KIF14: variants seen among roughly 807,000 people sequenced by gnomAD.
KIF14 encodes kinesin-like protein KIF14.
In KIF14, 98 loss-of-function variants were observed where a neutral mutation model predicts 176.2. That is an observed-to-expected ratio of 0.56 (90% CI 0.47 to 0.66). KIF14 has a LOEUF of 0.66. Ranked by LOEUF, KIF14 falls within the 30% of genes least tolerant of loss-of-function variation. The probability of loss-of-function intolerance (pLI) is 0.00; values close to 1 mark genes in which losing one functional copy is unlikely to be tolerated. For synonymous variants in KIF14, 566 were observed against 632.2 expected (o/e 0.90, Z 1.57); for missense variants, 1,751 against 1,920.4 (o/e 0.91, Z 1.65).
chr1:200,567,891 G>A (rs1182973676), intron 23 of KIF14, among the ~76,000 whole-genome samples: 3 of 150,696 alleles, frequency 2.0e-5, no homozygotes, highest in Admixed American at 2.0e-4. Context: ...GTAGGGTAAC[G>A]ATGACTCAAT....
chr1:200,575,565 A>G, intron 22 of KIF14, 26 bp downstream of exon 22: 1 of 1,431,726 alleles, frequency 7.0e-7, no homozygotes, highest in Non-Finnish European at 9.7e-7. Flanking sequence ...AAAGTGCAAG[A>G]AAACTAGTAA....
intron 22 of KIF14, among the ~76,000 whole-genome samples, chr1:200,570,408 A>G (rs540370967): frequency 4.6e-5 from 7 of 152,328 alleles, no homozygotes; most frequent in African/African-American, 1.7e-4. Context: ...CTGGCCCAAG[A>G]AGTCAGGGGG....
intron 13 of KIF14, among the ~76,000 whole-genome samples, chr1:200,598,664 T>C (rs995416083): frequency 2.6e-5 from 4 of 152,156 alleles, no homozygotes; most frequent in African/African-American, 9.7e-5. Flanking sequence ...GTTCAAACGA[T>C]TCTCCTGCTT....
At chr1:200,580,856 A>G (rs1211512051) in intron 20 of KIF14, among the ~76,000 whole-genome samples, 1 of 152,098 alleles carries the variant, frequency 6.6e-6, no homozygotes, top group East Asian at 1.9e-4. Context: ...CACACCTGTA[A>G]TCCCAGCACT....
chr1:200,560,568 G>A (rs1302556565), intron 26 of KIF14, among the ~76,000 whole-genome samples, 154 bp downstream of exon 26: 7 of 152,148 alleles, frequency 4.6e-5, no homozygotes, highest in Admixed American at 3.3e-4. Context: ...CACCACACCC[G>A]GCCCAAACAG....
intron 22 of KIF14, among the ~76,000 whole-genome samples, chr1:200,573,297 T>A (rs55989119): frequency 0.085 from 12,910 of 152,178 alleles, 591 homozygotes; most frequent in Non-Finnish European, 0.096. Flanking sequence ...AGGGATGTAA[T>A]GTCACTTGTA....
At chr1:200,602,285 C>T (rs893229178) in intron 10 of KIF14, among the ~76,000 whole-genome samples, 1 of 152,160 alleles carries the variant, frequency 6.6e-6, no homozygotes, top group African/African-American at 2.4e-5. Context: ...AGGCAATAAT[C>T]TGTGCAGAGA....
intron 14 of KIF14, among the ~76,000 whole-genome samples, chr1:200,594,368 C>CAAAAAAAAAAAAAAA (rs371729211): frequency 3.2e-5 from 3 of 92,486 alleles, no homozygotes; most frequent in East Asian, 3.8e-4. Flanking sequence ...CCCAAAAATT[C>CAAAAAAAAAAAAAAA]AAAAAAAAAA....
chr1:200,614,333 T>G lies in KIF14; in HGVS notation c.1440A>C (p.Arg480Ser), dbSNP rs749686287. Residue 480 changes from arginine to serine, a missense_variant, in exon 4 of 30, where the codon AGA becomes AGC. Coordinates refer to ENST00000367350, the MANE Select transcript of KIF14 (RefSeq NM_014875.3). Reference protein sequence around the residue: ...FCEDLFSQVARKQTQEVSYHI... With the variant: ...FCEDLFSQVASKQTQEVSYHI... Reference sequence around the variant, plus strand: ...AAGAACATACCTCTTGGGTTTGTTTTCTGGCTACTTGAGAAAAAAGATCTT... The same window carrying G: ...AAGAACATACCTCTTGGGTTTGTTTGCTGGCTACTTGAGAAAAAAGATCTT... 6.2e-7 allele frequency: 1 copy of G among 1,600,610 alleles called. No homozygotes were observed. The highest frequency in any genetic ancestry group is 8.6e-7 in the Non-Finnish European group (1 of 1,168,418).
At position 200,589,509 on chromosome 1, in the gene KIF14, G is replaced by T. The variant is rs576850980; in HGVS notation, c.2962-140C>A. On this transcript the variant is annotated intron_variant, in intron 17 of 29. Coordinates refer to ENST00000367350, the MANE Select transcript of KIF14 (RefSeq NM_014875.3). ...ATTAAAGCTTCTCCACTTCATTCAGGTTAACTAAAAATACTTAAGAGTATT... is the reference window on the plus strand; with the variant it reads ...ATTAAAGCTTCTCCACTTCATTCAGTTTAACTAAAAATACTTAAGAGTATT... 60 of 202,698 alleles carry T rather than the reference G, an allele frequency of 3.0e-4. No homozygotes were observed. In the African/African-American group the frequency reaches 3.8e-3, roughly 13 times the overall value. The allele number at this position is 202,698 out of a possible 1,614,324, so 12.6% of individuals were successfully genotyped here.
At chr1:200,602,133 AGC>A in intron 10 of KIF14, 65 bp from the exon 11 acceptor site, 1 of 1,397,516 alleles carries the variant, frequency 7.2e-7, no homozygotes, top group African/African-American at 1.4e-5. Flanking sequence ...TTATCTAGAA[AGC>A]ACAAAACAAA....
chr1:200,606,690 C>T (rs1659898052), intron 6 of KIF14, 56 bp downstream of exon 6: 1 of 1,372,716 alleles, frequency 7.3e-7, no homozygotes, highest in African/African-American at 1.4e-5. Flanking sequence ...GGGAGAGTAA[C>T]ATTCACTCTA....
intron 19 of KIF14, among the ~76,000 whole-genome samples, chr1:200,582,754 G>C (rs1191137902): frequency 6.6e-6 from 1 of 152,056 alleles, no homozygotes; most frequent in East Asian, 1.9e-4. Flanking sequence ...GGAGGCTGAG[G>C]CAGGAGAATT....
chr1:200,617,678 T>C lies in KIF14; in HGVS notation c.1046A>G (p.Lys349Arg). 6.2e-7 allele frequency: 1 copy of C among 1,614,204 alleles called. No individual in the cohort carries two copies. The change falls in exon 2 of 30, where the codon AAA (lysine) becomes AGA (arginine). Residue 349 changes from lysine (K) to arginine (R), a missense_variant. Transcript: ENST00000367350. ...ACTATTCTCTACTTTTAAGGGGTCT[T>C]TTCCTGCAGAGGTGTTCTGAACTAC... ...ETVVQNTSAG[K>R]DPLKVENSQV...
At position 200,589,258 on chromosome 1, in the gene KIF14, T is replaced by C. The variant is rs1247041494; in HGVS notation, c.3073A>G (p.Asn1025Asp). 1.2e-6 allele frequency: 2 copies of C among 1,610,736 alleles called. No homozygotes were observed. Among genetic ancestry groups the C allele is most frequent in the African/African-American group, 1.3e-5 (1 of 74,960 alleles). ...KQHLEQEIYV[N>D]KKRLEMETLA... is the part of the protein sequence containing the mutation. Reference sequence around the variant, plus strand: ...GTTTCCATTTCTAATCGCTTTTTGTTGACATATATTTCCTGTTCAAGATGC... The same window carrying C: ...GTTTCCATTTCTAATCGCTTTTTGTCGACATATATTTCCTGTTCAAGATGC... The change falls in exon 18 of 30, where the codon AAC becomes GAC. Residue 1025 changes from asparagine (N) to aspartate (D), a missense_variant. Transcript: ENST00000367350.
intron 2 of KIF14, 145 bp downstream of exon 2, chr1:200,617,467 A>T (rs1660457558): frequency 1.4e-6 from 1 of 710,700 alleles, no homozygotes; most frequent in Non-Finnish European, 2.3e-6. Context: ...ACACACTACA[A>T]CTAGACCTAA....
intron 23 of KIF14, 120 bp from the exon 24 acceptor site, chr1:200,565,789 G>T: frequency 1.5e-6 from 1 of 652,710 alleles, no homozygotes; most frequent in Non-Finnish European, 2.6e-6. Flanking sequence ...CAACAACAAA[G>T]CATTTTTGTG....
In KIF14 at chr1:200,600,375, C is replaced by T; in HGVS notation, c.2281G>A (p.Asp761Asn). The T allele has an allele frequency of 6.2e-7, 1 of 1,613,896 alleles. No individual in the cohort carries two copies. The highest frequency in any genetic ancestry group is 2.2e-5 in the East Asian group (1 of 44,852). The part of the protein sequence containing the change: ...LRMKLHQQER[D>N]MAEMQRVWKE... Reference sequence around the variant, plus strand: ...CTCTACCTTTGCATTTCTGCCATGTCTCTCTCCTGTTGATGCAGTTTCATT... The same window carrying T: ...CTCTACCTTTGCATTTCTGCCATGTTTCTCTCCTGTTGATGCAGTTTCATT... Residue 761 changes from aspartate to asparagine, a missense_variant, in exon 12 of 30, where the codon GAC (aspartate) becomes AAC (asparagine). Physicochemically the swap from Asp to Asn is conservative, Grantham distance 23. Coordinates refer to ENST00000367350, the MANE Select transcript of KIF14 (RefSeq NM_014875.3).
chr1:200,556,434 T>C (rs915618591), intron 27 of KIF14, among the ~76,000 whole-genome samples: 1 of 152,264 alleles, frequency 6.6e-6, no homozygotes, highest in African/African-American at 2.4e-5. Flanking sequence ...TTTATTCTTC[T>C]ATAGGTTCTT....
Sources: gnomAD v4.1 joint callset for allele counts (sites outside exome capture counted in the v4.1 genomes callset) on GRCh38, gnomAD v4.1.1 for gene constraint, MANE v1.5 for transcripts, NCBI Gene and HGNC (gene_info 2026-07-23, HGNC 2026-07-21) for gene names.